The following SLC1A4 variants were observed in gnomAD, a reference collection of about 807,000 sequenced individuals.
The protein encoded by SLC1A4 is neutral amino acid transporter A.
In SLC1A4, 19 loss-of-function variants were observed where a neutral mutation model predicts 37.7. The observed-to-expected ratio is 0.50, with a 90% CI of 0.35 to 0.74. The LOEUF is 0.74. SLC1A4 is among the 30% of genes least tolerant of loss of function. SLC1A4 has a pLI of 0.01. For synonymous variants in SLC1A4, 299 were observed against 309.8 expected, an observed-to-expected ratio of 0.97 and a Z score of 0.37; for missense variants, 570 against 712.9, an observed-to-expected ratio of 0.80 and a Z score of 2.28.
chr2:64,991,617 T>G (rs1572939944), intron 1 of SLC1A4, among the ~76,000 whole-genome samples: 1 of 86,968 alleles, frequency 1.1e-5, no homozygotes, highest in Non-Finnish European at 2.4e-5. Context: ...TTGTTTGTTT[T>G]TTGAGACGGA....
chr2:65,001,193 G>A (rs756558832), intron 1 of SLC1A4: 1 of 445,698 alleles, frequency 2.2e-6, no homozygotes, highest in African/African-American at 2.0e-5. Context: ...CTGTGTTAGG[G>A]TTTTAGAAGT....
chr2:65,001,785 A>T (rs772350298), intron 2 of SLC1A4, among the ~76,000 whole-genome samples: 1 of 152,246 alleles, frequency 6.6e-6, no homozygotes, highest in Non-Finnish European at 1.5e-5. Flanking sequence ...TAAATATTGT[A>T]CACTTTTTTA....
intron 1 of SLC1A4, among the ~76,000 whole-genome samples, chr2:64,992,044 G>A (rs545203376): frequency 6.6e-6 from 1 of 152,340 alleles, no homozygotes; most frequent in East Asian, 1.9e-4. Context: ...ACTTTTAGGT[G>A]AGTGCTGAAA....
At chr2:65,004,252 GTTGT>G (rs1001917364) in intron 3 of SLC1A4, among the ~76,000 whole-genome samples, 25 of 151,922 alleles carry the variant, frequency 1.6e-4, no homozygotes, top group East Asian at 3.9e-4. Flanking sequence ...TGATTTATTT[GTTGT>G]TTGTTTGTTT....
chr2:65,003,928 G>C (rs1673574800), intron 2 of SLC1A4, 25 bp from the exon 3 acceptor site: 8 of 1,597,934 alleles, frequency 5.0e-6, no homozygotes, highest in Non-Finnish European at 6.8e-6. Context: ...ACTAACAGTG[G>C]GTTTTTTTTT....
At chr2:65,009,514 C>G (rs755786425) in intron 3 of SLC1A4, among the ~76,000 whole-genome samples, 60 of 152,192 alleles carry the variant, frequency 3.9e-4, no homozygotes, top group Admixed American at 8.5e-4. Flanking sequence ...ATCACACCAG[C>G]CACCTACATG....
Position 65,021,323 on chromosome 2 carries a change from A to C in SLC1A4, c.*177A>C. ...ACTGGCATTGGGCTCCCCAGCCGGAACTGGTTACCAAGGACAAGGACACTC... is the reference window on the plus strand; with the variant it reads ...ACTGGCATTGGGCTCCCCAGCCGGACCTGGTTACCAAGGACAAGGACACTC... On this transcript the variant is annotated 3_prime_UTR_variant, in exon 8 of 8. Transcript: ENST00000234256. The C allele has an allele frequency of 1.7e-6, 1 of 602,108 alleles. No homozygotes were observed. The highest frequency in any genetic ancestry group is 2.9e-6 in the Non-Finnish European group (1 of 339,426). The allele number at this position is 602,108 out of a possible 1,614,324, so 37.3% of individuals were successfully genotyped here. A position where few individuals can be genotyped will look rare whatever the true frequency, so the allele number is the denominator to read the frequency against.
chr2:65,016,953 A>C (rs1465074935), intron 5 of SLC1A4, among the ~76,000 whole-genome samples: 2 of 152,110 alleles, frequency 1.3e-5, no homozygotes, highest in African/African-American at 4.8e-5. Context: ...GCCTCACATG[A>C]TTTCTTAAAA....
chr2:64,995,669 C>T (rs761181546), intron 1 of SLC1A4, among the ~76,000 whole-genome samples: 33 of 152,090 alleles, frequency 2.2e-4, no homozygotes, highest in Non-Finnish European at 4.0e-4. Context: ...TAAATACTAG[C>T]GATAATAAAT....
intron 1 of SLC1A4, 33 bp downstream of exon 1, chr2:64,990,203 G>A (rs746387793): frequency 1.6e-5 from 25 of 1,529,274 alleles, no homozygotes; most frequent in African/African-American, 2.7e-5. Flanking sequence ...GGGCCCAGTG[G>A]GAGACGCCAG....
rs1399130195 is a variant in SLC1A4 at position 65,001,504 on chromosome 2, C to T, written c.570+14C>T. 1.2e-6 allele frequency: 2 copies of T among 1,610,460 alleles called. No individual in the cohort carries two copies. The highest frequency in any genetic ancestry group is 2.7e-5 in the African/African-American group (2 of 74,838). The stretch of plus-strand genomic sequence containing the variant: ...GCTTTCCGTACGGTAAGGCTTGATA[C>T]TTTGCTAAAAATATGAAACTTTGAT... On this transcript the variant is annotated intron_variant, in intron 2 of 7. Coordinates refer to ENST00000234256, the MANE Select transcript of SLC1A4 (RefSeq NM_003038.5).
At chr2:65,006,002 AAAT>A (rs1414208936) in intron 3 of SLC1A4, among the ~76,000 whole-genome samples, 4 of 150,254 alleles carry the variant, frequency 2.7e-5, no homozygotes, top group Non-Finnish European at 4.5e-5. Flanking sequence ...AATTATGTCT[AAAT>A]AAATAAATAG....
intron 1 of SLC1A4, among the ~76,000 whole-genome samples, chr2:64,995,163 T>A (rs1673204442): frequency 6.6e-6 from 1 of 152,188 alleles, no homozygotes; most frequent in African/African-American, 2.4e-5. Flanking sequence ...GAAAAAAGCA[T>A]CAACCTAGGG....
At chr2:65,014,879 C>A (rs929333209) in intron 4 of SLC1A4, among the ~76,000 whole-genome samples, 2 of 152,184 alleles carry the variant, frequency 1.3e-5, no homozygotes, top group African/African-American at 4.8e-5. Context: ...TATGGTATTT[C>A]CATTCTGAAG....
rs913102583 is a variant in SLC1A4 at position 65,021,497 on chromosome 2, A to T, written c.*351A>T. On this transcript the variant is annotated 3_prime_UTR_variant, in exon 8 of 8. Coordinates refer to ENST00000234256, the MANE Select transcript of SLC1A4 (RefSeq NM_003038.5). The stretch of plus-strand genomic sequence containing the variant: ...CTTGGAAAAAATGCAGATGTATTTC[A>T]CTCTCCCCGGTCAGCTCTGCATCAG... The T allele has an allele frequency of 3.9e-6, 1 of 255,262 alleles. No homozygotes were observed. The highest frequency in any genetic ancestry group is 5.0e-5 in the Admixed American group (1 of 20,006). 15.8% of individuals were successfully genotyped at this position (255,262 alleles called of 1,614,324 possible). A position where few individuals can be genotyped will look rare whatever the true frequency, so the allele number is the denominator to read the frequency against.
chr2:65,003,563 C>A (rs115957468), intron 2 of SLC1A4, among the ~76,000 whole-genome samples: 3,611 of 152,186 alleles, frequency 0.024, 133 homozygotes, highest in African/African-American at 0.081. Flanking sequence ...TAAAATGATA[C>A]AATGAAAAAT....
intron 3 of SLC1A4, among the ~76,000 whole-genome samples, chr2:65,008,840 G>T (rs976004326): frequency 2.2e-4 from 34 of 152,222 alleles, no homozygotes; most frequent in African/African-American, 7.9e-4. Context: ...AATCTTCATA[G>T]CAACTTTACA....
intron 1 of SLC1A4, among the ~76,000 whole-genome samples, chr2:64,991,577 A>G (rs1673055492): frequency 6.6e-6 from 1 of 150,614 alleles, no homozygotes; most frequent in Non-Finnish European, 1.5e-5. Flanking sequence ...ACAGGTGCAC[A>G]CCACCACACC....
intron 3 of SLC1A4, among the ~76,000 whole-genome samples, chr2:65,005,133 C>G (rs550863061): frequency 5.3e-5 from 8 of 152,296 alleles, no homozygotes; most frequent in African/African-American, 1.9e-4. Context: ...GGAGTTAATC[C>G]TAGCTCAGTG....
Sources: allele counts gnomAD v4.1 joint callset (sites outside exome capture counted in the v4.1 genomes callset), GRCh38; gene constraint gnomAD v4.1.1; transcripts MANE v1.5; gene names NCBI Gene and HGNC (gene_info 2026-07-23, HGNC 2026-07-21).